Variants in CWC27 observed in about 807,000 individuals in gnomAD.
The protein encoded by CWC27 is CWC27 spliceosome associated cyclophilin, also known as spliceosome-associated protein CWC27 homolog.
CWC27 carries 47 observed loss-of-function variants against 63.6 expected under a neutral mutation model. The observed-to-expected ratio is 0.74, with a 90% CI of 0.58 to 0.94. The LOEUF is 0.94. CWC27 is among the 40% of genes least tolerant of loss of function. CWC27 has a pLI of 0.00. For missense variants in CWC27, 495 were observed against 554.3 expected, an observed-to-expected ratio of 0.89 and a Z score of 1.07; for synonymous variants, 175 against 179.8, an observed-to-expected ratio of 0.97 and a Z score of 0.22.
intron 13 of CWC27, among the ~76,000 whole-genome samples, chr5:65,001,714 T>C (rs771059084): frequency 5.9e-5 from 9 of 152,100 alleles, no homozygotes; most frequent in Non-Finnish European, 1.2e-4. Context: ...TTGTTGGATA[T>C]GCTTTGCTAG....
chr5:64,888,307 A>G, intron 11 of CWC27, among the ~76,000 whole-genome samples: 1 of 147,664 alleles, frequency 6.8e-6, no homozygotes, highest in East Asian at 1.9e-4. Context: ...ATATAATTAT[A>G]TATAATATAG....
At position 64,813,497 on chromosome 5, in the gene CWC27, T is replaced by A. The variant is rs540028182; in HGVS notation, c.938+9111T>A. On this transcript the variant is annotated intron_variant, in intron 10 of 13. Transcript: ENST00000381070. ...CAGACAGGAAGCAGTGAAATGCACA[T>A]GTGGGAGAAGCTTCTCTTGTCAAAA... 2.5e-3 allele frequency among the ~76,000 whole-genome samples: 374 copies of A among 152,260 alleles called. 2 individuals are homozygous for A. The highest frequency in any genetic ancestry group is 4.2e-3 in the Non-Finnish European group (285 of 68,012).
At chr5:64,898,966 T>C (rs1384435665) in intron 11 of CWC27, among the ~76,000 whole-genome samples, 1 of 152,118 alleles carries the variant, frequency 6.6e-6, no homozygotes, top group Non-Finnish European at 1.5e-5. Flanking sequence ...AAAAGCACTT[T>C]CACTCTTATC....
intron 11 of CWC27, among the ~76,000 whole-genome samples, chr5:64,890,234 A>G (rs1747197377): frequency 6.6e-6 from 1 of 152,180 alleles, no homozygotes; most frequent in African/African-American, 2.4e-5. Flanking sequence ...TTCATGAAAC[A>G]TATCCCTGAG....
At chr5:64,834,091 G>C (rs145131263) in intron 10 of CWC27, among the ~76,000 whole-genome samples, 1 of 148,256 alleles carries the variant, frequency 6.7e-6, no homozygotes, top group Non-Finnish European at 1.5e-5. Flanking sequence ...CATGCCCCTC[G>C]CTTTTTTTTT....
chr5:64,999,065 CTT>C (rs558985867), intron 13 of CWC27, among the ~76,000 whole-genome samples: 2 of 146,622 alleles, frequency 1.4e-5, no homozygotes. Flanking sequence ...TTTTCCAGAA[CTT>C]TTTTTTTTTA....
intron 11 of CWC27, among the ~76,000 whole-genome samples, chr5:64,927,626 C>T (rs994860321): frequency 9.2e-5 from 14 of 152,130 alleles, no homozygotes; most frequent in Non-Finnish European, 1.8e-4. Context: ...CCTTCTTTTG[C>T]AAAAGTCTGT....
At chr5:64,878,783 T>C (rs1420686483) in intron 10 of CWC27, among the ~76,000 whole-genome samples, 4 of 151,946 alleles carry the variant, frequency 2.6e-5, no homozygotes, top group African/African-American at 9.7e-5. Flanking sequence ...ATGGTAATTA[T>C]GACTAGTATG....
chr5:64,771,412 T>A (rs1231645970), intron 1 of CWC27, among the ~76,000 whole-genome samples: 2 of 152,238 alleles, frequency 1.3e-5, no homozygotes, highest in Non-Finnish European at 2.9e-5. Context: ...ATACCAGTGC[T>A]TGGTCCCTGG....
intron 2 of CWC27, among the ~76,000 whole-genome samples, chr5:64,777,924 G>A (rs747567157): frequency 6.6e-6 from 1 of 152,042 alleles, no homozygotes; most frequent in Non-Finnish European, 1.5e-5. Flanking sequence ...AAGTTATAGT[G>A]TAGAGAGTAT....
chr5:64,915,239 G>A (rs546915304), intron 11 of CWC27, among the ~76,000 whole-genome samples: 5 of 152,282 alleles, frequency 3.3e-5, no homozygotes, highest in South Asian at 2.1e-4. Flanking sequence ...GGAAGTGGTA[G>A]TATGGGCTTG....
intron 10 of CWC27, among the ~76,000 whole-genome samples, chr5:64,843,335 A>G (rs892309676): frequency 2.6e-5 from 4 of 152,250 alleles, no homozygotes; most frequent in Non-Finnish European, 5.9e-5. Flanking sequence ...GATTCACAAC[A>G]ATAGAAAAAG....
At chr5:64,910,051 C>T (rs7715181) in intron 11 of CWC27, among the ~76,000 whole-genome samples, 14,539 of 152,152 alleles carry the variant, frequency 0.096, 2,127 homozygotes, top group African/African-American at 0.32. Context: ...CTGGTTTTTC[C>T]CATCTTTGTG....
intron 2 of CWC27, among the ~76,000 whole-genome samples, chr5:64,777,125 T>G (rs1308333742): frequency 6.6e-6 from 1 of 152,030 alleles, no homozygotes; most frequent in Non-Finnish European, 1.5e-5. Context: ...TATAGACAAG[T>G]GGGGAGCAGA....
rs1442741387 is a variant in CWC27, at chr5:64,807,521, A to G, written c.938+3135A>G. ...CTCCTTAGAGAATCGGCACCCTTAT[A>G]TCTATTCTGACTTCCTAGGATTTCT... is the stretch of plus-strand genomic sequence containing the variant. On this transcript the variant is annotated intron_variant, in intron 10 of 13. Transcript: ENST00000381070. The G allele has an allele frequency of 3.5e-6, 5 of 1,441,842 alleles. No individual in the cohort carries two copies. In the African/African-American group the frequency reaches 5.7e-5, roughly 16 times the overall value. 89.3% of individuals were successfully genotyped at this position (1,441,842 alleles called of 1,614,324 possible).
chr5:64,786,604 G>T lies in CWC27; in HGVS notation c.576G>T (p.Lys192Asn). Residue 192 changes from lysine to asparagine, a missense_variant, in exon 6 of 14, where the codon AAG becomes AAT. Lys to Asn is a moderately conservative substitution (Grantham distance 94). This residue lies in a region of CWC27 where 463 missense variants were observed against 498.1 expected (regional missense o/e 0.93). Coordinates refer to ENST00000381070, the MANE Select transcript of CWC27 (RefSeq NM_005869.4). ...AAGAGAAACCAGAGGAGGAAGTAAA[G>T]AAATTGAAACCCAAAGGCACAAAGT... is the stretch of plus-strand genomic sequence containing the variant. ...LKKEKPEEEV[K>N]KLKPKGTKNF... 1 of 1,582,124 alleles carries T rather than the reference G, an allele frequency of 6.3e-7. No individual in the cohort carries two copies. Among genetic ancestry groups the T allele is most frequent in the Non-Finnish European group, 8.6e-7 (1 of 1,165,976 alleles).
intron 10 of CWC27, among the ~76,000 whole-genome samples, chr5:64,824,239 A>G (rs547259428): frequency 6.6e-6 from 1 of 152,344 alleles, no homozygotes; most frequent in Admixed American, 6.5e-5. Context: ...TAAAGAAAAC[A>G]AACATAAAAT....
rs397998002 is a variant in CWC27, at chr5:64,878,470, T to TAAAAAAAAAAAAAAAAAAAAAAAAAAA, written c.939-6969_939-6943dup. On this transcript the variant is annotated intron_variant, in intron 10 of 13. Transcript: ENST00000381070. ...GTCAGCACTGTCCTGGGTTACAGAT[T>TAAAAAAAAAAAAAAAAAAAAAAAAAAA]AAAAAAAAAAAAAAAAAAAAAAAAA... Among the ~76,000 whole-genome samples the TAAAAAAAAAAAAAAAAAAAAAAAAAAA allele has an allele frequency of 1.5e-4, 4 of 26,936 alleles. 1 individual carries two copies. Among genetic ancestry groups the TAAAAAAAAAAAAAAAAAAAAAAAAAAA allele is most frequent in the African/African-American group, 2.4e-4 (2 of 8,184 alleles). 17.7% of individuals were successfully genotyped at this position (26,936 alleles called of 152,430 possible).
chr5:64,996,148 C>T (rs1256031879), intron 13 of CWC27, among the ~76,000 whole-genome samples: 1 of 152,068 alleles, frequency 6.6e-6, no homozygotes. Context: ...CCCTGGTACA[C>T]TGAGCAAAAG....
Sources: gnomAD v4.1 joint callset for allele counts (sites outside exome capture counted in the v4.1 genomes callset) on GRCh38, gnomAD v4.1.1 for gene constraint, gnomAD v4.1.1 regional missense constraint, MANE v1.5 for transcripts, NCBI Gene and HGNC (gene_info 2026-07-23, HGNC 2026-07-21) for gene names.